The following ANK1 variants were observed in gnomAD, a reference collection of about 807,000 sequenced individuals.
The protein encoded by ANK1 is ankyrin-1.
ANK1 carries 51 observed loss-of-function variants against 210.4 expected under a neutral mutation model. That is an observed-to-expected ratio of 0.24 (90% CI 0.19 to 0.31). The LOEUF (loss-of-function observed/expected upper bound fraction) is 0.31. Among genes scored for constraint, ANK1 ranks in the 10% least tolerant of loss-of-function variants. The pLI is 1.00. For synonymous variants in ANK1, 967 were observed against 1,025.9 expected (o/e 0.94, Z 1.10); for missense variants, 2,051 against 2,504.4 (o/e 0.82, Z 3.86).
chr8:41,817,073 T>C (rs1229355009), intron 1 of ANK1, among the ~76,000 whole-genome samples: 1 of 152,144 alleles, frequency 6.6e-6, no homozygotes, highest in African/African-American at 2.4e-5. Flanking sequence ...ACTTGTCATT[T>C]GCCAGTTTCC....
intron 24 of ANK1, 98 bp downstream of exon 24, chr8:41,697,945 G>A (rs1455271618): frequency 2.8e-6 from 3 of 1,077,600 alleles, no homozygotes; most frequent in South Asian, 1.3e-5. Flanking sequence ...TGAGCTATTA[G>A]TGCCTATTGT....
chr8:41,784,442 A>G (rs1845951503), intron 1 of ANK1, among the ~76,000 whole-genome samples: 1 of 152,252 alleles, frequency 6.6e-6, no homozygotes, highest in South Asian at 2.1e-4. Context: ...TAGTATATTA[A>G]GTATTCACCC....
Position 41,815,490 on chromosome 8 carries a change from T to G in ANK1, c.127-57353A>C, listed in dbSNP as rs76846234. Among the ~76,000 whole-genome samples the G allele has an allele frequency of 1.1e-3, 164 of 152,270 alleles. 2 individuals are homozygous for G. In the East Asian group the frequency reaches 0.029, roughly 27 times the overall value. The stretch of plus-strand genomic sequence containing the variant: ...CCTATAGGATCCCTCTTGCTCTCTT[T>G]CTTCCCAACTTCATGTCCATTCAGT... On this transcript the variant is annotated intron_variant, in intron 1 of 42. Transcript: ENST00000265709.
chr8:41,752,803 CCCCCACT>C (rs1838058082), intron 2 of ANK1, among the ~76,000 whole-genome samples: 1 of 151,656 alleles, frequency 6.6e-6, no homozygotes, highest in South Asian at 2.1e-4. Flanking sequence ...CACAGGCCCC[CCCCCACT>C]GCACCGCTGG....
At chr8:41,752,572 C>G (rs532494197) in intron 2 of ANK1, among the ~76,000 whole-genome samples, 1 of 152,188 alleles carries the variant, frequency 6.6e-6, no homozygotes, top group South Asian at 2.1e-4. Flanking sequence ...ACTCCTCCCC[C>G]GTGTTTCCAC....
chr8:41,694,099 G>A lies in ANK1; in HGVS notation c.3331C>T (p.Gln1111Ter). The A allele has an allele frequency of 6.2e-7, 1 of 1,613,710 alleles. No homozygotes were observed. Among genetic ancestry groups the A allele is most frequent in the Non-Finnish European group, 8.5e-7 (1 of 1,179,878 alleles). ...TKRVKLALQA[Q>*]PVPDELVTKL... ...GTGACAAGCTCATCCGGGACAGGCT[G>A]GGCCTGTGAAATGACAGAGGCAGGA... Residue 1111 changes from glutamine to a stop codon, truncating the protein, a stop_gained, in exon 29 of 43, where the codon CAG (glutamine) becomes TAG (stop). Coordinates refer to ENST00000289734, the MANE Select transcript of ANK1 (RefSeq NM_000037.4). LOFTEE classifies it high-confidence loss of function. This position sits in a 1 kb window ranked among gnomAD's most constrained non-coding sequence, Gnocchi z 5.7.
rs199760447 is a variant in ANK1, at chr8:41,688,189, C to T, written c.4225G>A (p.Val1409Ile). 255 of 1,614,130 alleles carry T rather than the reference C, an allele frequency of 1.6e-4. No homozygotes were observed. Among genetic ancestry groups the T allele is most frequent in the Non-Finnish European group, 1.7e-4 (203 of 1,180,052 alleles). The change falls in exon 35 of 43, where the codon GTT becomes ATT. Residue 1409 changes from valine (V) to isoleucine (I), a missense_variant. Physicochemically the swap from Val to Ile is conservative, Grantham distance 29. Around this residue, in one of 6 missense-constraint regions of ANK1, gnomAD observed 39 missense variants for 75.1 expected, o/e 0.52. Transcript: ENST00000289734. ...GTEQAEMKMA[V>I]ISEHLGLSWA... ...CTGAGACCGAGGTGCTCTGAGATAA[C>T]AGCCATCTTCATCTCTGCCTGCTCT...
intron 1 of ANK1, among the ~76,000 whole-genome samples, chr8:41,820,327 ATGTGTGTGTGTGTGTG>A (rs56359274): frequency 0.22 from 32,035 of 142,646 alleles, 4,250 homozygotes; most frequent in Middle Eastern, 0.39. Flanking sequence ...ACCAAGCTAA[ATGTGTGTGTGTGTGTG>A]TGTGTGTGTG....
chr8:41,677,594 G>GT (rs56330906), intron 37 of ANK1, among the ~76,000 whole-genome samples: 54,227 of 144,168 alleles, frequency 0.38, 10,629 homozygotes, highest in Middle Eastern at 0.62. Flanking sequence ...CTTTTTCTTT[G>GT]TTTTTTTTTT....
At chr8:41,717,550 GC>G (rs896278972) in intron 12 of ANK1, 53 bp downstream of exon 12, 1 of 1,463,624 alleles carries the variant, frequency 6.8e-7, no homozygotes, top group Non-Finnish European at 9.4e-7. Context: ...GGTGAAAGCT[GC>G]CCTCTGAGCT....
intron 1 of ANK1, among the ~76,000 whole-genome samples, chr8:41,758,950 C>T (rs1043117445): frequency 1.4e-4 from 21 of 151,970 alleles, no homozygotes; most frequent in African/African-American, 4.3e-4. Flanking sequence ...AGGATGGTCT[C>T]GAACTCCTGG....
At chr8:41,693,491 G>A (rs73617342) in intron 29 of ANK1, among the ~76,000 whole-genome samples, 404 of 123,896 alleles carry the variant, frequency 3.3e-3, no homozygotes, top group African/African-American at 0.012. Flanking sequence ...AGGCTGCAGT[G>A]TAGTGGAATG....
chr8:41,884,679 A>T (rs1818150808), intron 1 of ANK1, among the ~76,000 whole-genome samples: 1 of 152,094 alleles, frequency 6.6e-6, no homozygotes, highest in African/African-American at 2.4e-5. Flanking sequence ...TACAAGAAAT[A>T]AAAAAATACC....
chr8:41,773,062 CT>C (rs1038437209), intron 1 of ANK1, among the ~76,000 whole-genome samples: 40 of 152,214 alleles, frequency 2.6e-4, no homozygotes, highest in Middle Eastern at 3.4e-3. Context: ...CTGACCCCCC[CT>C]AAACCTGGTC....
intron 1 of ANK1, among the ~76,000 whole-genome samples, chr8:41,878,990 G>A (rs1315042760): frequency 6.6e-6 from 1 of 152,094 alleles, no homozygotes; most frequent in African/African-American, 2.4e-5. Flanking sequence ...CTTGAACCTG[G>A]GAGGTGGAAG....
chr8:41,690,501 C>T lies in ANK1; in HGVS notation c.3957G>A (p.Arg1319=), dbSNP rs376171468. 3 of 1,614,084 alleles carry T rather than the reference C, an allele frequency of 1.9e-6. No homozygotes were observed. Among genetic ancestry groups the T allele is most frequent in the African/African-American group, 2.7e-5 (2 of 74,922 alleles). Residue 1319 remains arginine, a synonymous_variant, in exon 32 of 43, where the codon CGG becomes CGA. Coordinates refer to ENST00000289734, the MANE Select transcript of ANK1 (RefSeq NM_000037.4). ...TTACAGGCATGGCCAGACGGTTCTC[C>T]CGAAATGACTGGAAGTGGAAGCTCC... ...QQRSFHFQSF[R]ENRLAMPVKV...
At position 41,695,279 on chromosome 8, in the gene ANK1, C is replaced by T. The variant is rs770510949; in HGVS notation, c.3013G>A (p.Glu1005Lys). The change falls in exon 27 of 43, where the codon GAG becomes AAG. Residue 1005 changes from glutamate to lysine, a missense_variant. Transcript: ENST00000289734. Reference sequence around the variant, plus strand: ...TTTTCGCTCCTCAGAACCACGAGCTCGCGGTCTCCACGGCCATGGGAGGCA... The same window carrying T: ...TTTTCGCTCCTCAGAACCACGAGCTTGCGGTCTCCACGGCCATGGGAGGCA... ...HFASHGRGDR[E>K]LVVLRSENGS... 39 of 1,613,962 alleles carry T rather than the reference C, an allele frequency of 2.4e-5. No individual in the cohort carries two copies. Among genetic ancestry groups the T allele is most frequent in the Non-Finnish European group, 3.0e-5 (35 of 1,180,034 alleles).
chr8:41,855,069 C>T (rs771458038), intron 1 of ANK1, among the ~76,000 whole-genome samples: 5 of 152,158 alleles, frequency 3.3e-5, no homozygotes, highest in Non-Finnish European at 7.4e-5. Flanking sequence ...ATAAGCATTG[C>T]TCTAGTATGC....
At chr8:41,717,986 C>A in intron 11 of ANK1, 120 bp downstream of exon 11, 2 of 978,450 alleles carry the variant, frequency 2.0e-6, no homozygotes. Context: ...TTCCAGCAGT[C>A]CAGACTTGCA....
Sources: gnomAD v4.1 joint callset for allele counts (sites outside exome capture counted in the v4.1 genomes callset) on GRCh38, gnomAD v4.1.1 for gene constraint, gnomAD v4.1.1 regional missense constraint, Gnocchi (gnomAD v3.1) non-coding constraint, MANE v1.5 for transcripts, NCBI Gene and HGNC (gene_info 2026-07-23, HGNC 2026-07-21) for gene names.